SH3TC1: variants seen among roughly 807,000 people sequenced by gnomAD.
The protein encoded by SH3TC1 is SH3 domain and tetratricopeptide repeat-containing protein 1.
A neutral mutation model predicts 117.3 loss-of-function variants in SH3TC1; 135 were observed. The observed-to-expected ratio is 1.15, with a 90% CI of 1.00 to 1.33. The LOEUF (loss-of-function observed/expected upper bound fraction) is 1.33, where lower values mean the gene tolerates loss of function less well. Among genes scored for constraint, SH3TC1 ranks in the 40% most tolerant of loss-of-function variants. The pLI is 0.00. For synonymous variants in SH3TC1, 898 were observed against 816.9 expected, an observed-to-expected ratio of 1.10 and a Z score of -1.69; for missense variants, 2,092 against 1,794.3, an observed-to-expected ratio of 1.17 and a Z score of -3.00.
Position 8,231,972 on chromosome 4 carries a change from C to T in SH3TC1, c.2951-4C>T. 1 of 1,610,458 alleles carries T rather than the reference C, an allele frequency of 6.2e-7. No homozygotes were observed. Among genetic ancestry groups the T allele is most frequent in the East Asian group, 2.2e-5 (1 of 44,872 alleles). On this transcript the variant is annotated splice_region_variant and splice_polypyrimidine_tract_variant and intron_variant, in intron 12 of 17. Coordinates refer to ENST00000245105, the MANE Select transcript of SH3TC1 (RefSeq NM_018986.5). ...TGACGTCTTCCTTTTTGTCTTCTGC[C>T]CAGGCCAGCTGCGGGCCGTCCAGCG... is the stretch of plus-strand genomic sequence containing the variant.
chr4:8,185,647 T>C (rs1717199027), intron 1 of SH3TC1, among the ~76,000 whole-genome samples: 1 of 152,254 alleles, frequency 6.6e-6, no homozygotes, highest in Non-Finnish European at 1.5e-5. Flanking sequence ...TTGTTGGCAC[T>C]CAGAGAAAGC....
At position 8,190,583 on chromosome 4, in the gene SH3TC1, C is replaced by T. The variant is rs57141411; in HGVS notation, c.-57+8373C>T. Among the ~76,000 whole-genome samples the T allele has an allele frequency of 0.017, 2,632 of 152,270 alleles. 83 individuals carry two copies. The highest frequency in any genetic ancestry group is 0.06 in the African/African-American group (2,505 of 41,540). ...TCTCCTCTGTGCACTCTCTCGGTCA[C>T]CCACACCCCACCAGCCGGCTGGTCC... On this transcript the variant is annotated intron_variant, in intron 1 of 16. Transcript: ENST00000508641. This position sits in a 1 kb window ranked among gnomAD's most constrained non-coding sequence, Gnocchi z 4.7.
At chr4:8,208,049 T>C (rs1718349221) in intron 2 of SH3TC1, among the ~76,000 whole-genome samples, 1 of 152,150 alleles carries the variant, frequency 6.6e-6, no homozygotes, top group Non-Finnish European at 1.5e-5. Context: ...AAGCATGCAG[T>C]TGATGTAGCA....
chr4:8,225,125 C>A lies in SH3TC1; in HGVS notation c.1244-50C>A. 2 of 1,609,768 alleles carry A rather than the reference C, an allele frequency of 1.2e-6. No homozygotes were observed. Among genetic ancestry groups the A allele is most frequent in the Non-Finnish European group, 1.7e-6 (2 of 1,177,340 alleles). ...ACACTAGCTCAACCTGGCAGGGGAC[C>A]AGAGGTACTGGCTGGGGGTGTTGAT... On this transcript the variant is annotated intron_variant, in intron 10 of 17. Transcript: ENST00000245105. This position sits in a 1 kb window ranked among gnomAD's most constrained non-coding sequence, Gnocchi z 5.5.
Position 8,227,516 on chromosome 4 carries a change from G to A in SH3TC1, c.1822G>A (p.Ala608Thr), listed in dbSNP as rs115340704. Residue 608 changes from alanine (A) to threonine (T), a missense_variant, in exon 12 of 18, where the codon GCC (alanine) becomes ACC (threonine). By Grantham distance (58) the Ala-to-Thr change is moderately conservative. Coordinates refer to ENST00000245105, the MANE Select transcript of SH3TC1 (RefSeq NM_018986.5). ...FLVVAVYANL[A>T]SIYRKQKNRE... The stretch of plus-strand genomic sequence containing the variant: ...AGTGGTGGCTGTGTACGCCAACCTG[G>A]CCAGCATTTACCGGAAGCAGAAGAA... 2,749 of 1,545,684 alleles carry A rather than the reference G, an allele frequency of 1.8e-3. 43 individuals carry two copies. The African/African-American group carries it at 0.033, about 18-fold the overall frequency.
Position 8,236,296 on chromosome 4 carries a change from G to A in SH3TC1, c.3424G>A (p.Ala1142Thr), listed in dbSNP as rs1259748677. Reference protein sequence around the residue: ...SFYRDRALPLAVTTGNRKAEL... With the variant: ...SFYRDRALPLTVTTGNRKAEL... Reference sequence around the variant, plus strand: ...GTGGCAGGACCGGGCCCTGCCCCTGGCAGTGACTACGGGCAACCGCAAGGC... The same window carrying A: ...GTGGCAGGACCGGGCCCTGCCCCTGACAGTGACTACGGGCAACCGCAAGGC... The change falls in exon 16 of 18, where the codon GCA (alanine) becomes ACA (threonine). Residue 1142 changes from alanine (A) to threonine (T), a missense_variant. Ala to Thr is a moderately conservative substitution (Grantham distance 58). Coordinates refer to ENST00000245105, the MANE Select transcript of SH3TC1 (RefSeq NM_018986.5). 5 of 1,555,400 alleles carry A rather than the reference G, an allele frequency of 3.2e-6. No individual in the cohort carries two copies. The highest frequency in any genetic ancestry group is 4.8e-5 in the East Asian group (2 of 41,546).
In SH3TC1 at chr4:8,210,914, C is replaced by T. The variant is rs914226343; in HGVS notation, c.247+1092C>T. Among the ~76,000 whole-genome samples, 6 of 151,750 alleles carry T rather than the reference C, an allele frequency of 4.0e-5. No homozygotes were observed. The highest frequency in any genetic ancestry group is 5.9e-5 in the Non-Finnish European group (4 of 67,974). ...GGGGTGAGGGTGTTTGCTCAAGGGT[C>T]CCCTAGCAGAAAACTCTCAGGCAGG... On this transcript the variant is annotated intron_variant, in intron 3 of 17. Coordinates refer to ENST00000245105, the MANE Select transcript of SH3TC1 (RefSeq NM_018986.5). This position sits in a 1 kb window ranked among gnomAD's most constrained non-coding sequence, Gnocchi z 4.1.
chr4:8,229,866 G>A (rs1309194561), intron 12 of SH3TC1, among the ~76,000 whole-genome samples: 1 of 152,100 alleles, frequency 6.6e-6, no homozygotes, highest in Non-Finnish European at 1.5e-5. Flanking sequence ...GGTGCTGGGG[G>A]ATTCAGACTT....
intron 8 of SH3TC1, 32 bp from the exon 9 acceptor site, chr4:8,219,303 C>T: frequency 6.4e-7 from 1 of 1,555,132 alleles, no homozygotes; most frequent in Non-Finnish European, 8.7e-7. Flanking sequence ...ATTTGGTCTC[C>T]CTGGCACTCA....
intron 16 of SH3TC1, 139 bp downstream of exon 16, chr4:8,236,567 C>T: frequency 8.2e-7 from 1 of 1,216,458 alleles, no homozygotes; most frequent in Non-Finnish European, 1.1e-6. Flanking sequence ...CCAGCTGGCT[C>T]CCCCGTCCGG....
intron 8 of SH3TC1, 103 bp downstream of exon 8, chr4:8,218,450 T>C (rs1228409578): frequency 1.3e-6 from 1 of 774,908 alleles, no homozygotes; most frequent in Non-Finnish European, 2.1e-6. Context: ...GCCAGAGAGA[T>C]AGCTATCAGG....
intron 13 of SH3TC1, chr4:8,232,536 G>A: frequency 7.3e-7 from 1 of 1,370,478 alleles, no homozygotes; most frequent in Non-Finnish European, 9.7e-7. Flanking sequence ...CCTTAAATGT[G>A]ACCACAGCAG....
intron 13 of SH3TC1, 195 bp downstream of exon 13, chr4:8,232,351 G>C (rs2152995141): frequency 6.4e-7 from 1 of 1,572,376 alleles, no homozygotes; most frequent in Middle Eastern, 1.7e-4. Context: ...GTCCCAGCTT[G>C]AGCTTCCCTT....
At position 8,205,208 on chromosome 4, in the gene SH3TC1, C is replaced by T. The variant is rs758821464; in HGVS notation, c.14C>T (p.Pro5Leu). The change falls in exon 2 of 18, where the codon CCT (proline) becomes CTT (leucine). Residue 5 changes from proline to leucine, a missense_variant. Pro to Leu is a moderately conservative substitution (Grantham distance 98). Coordinates refer to ENST00000245105, the MANE Select transcript of SH3TC1 (RefSeq NM_018986.5). This position sits in a 1 kb window ranked among gnomAD's most constrained non-coding sequence, Gnocchi z 5.4. ...TCTCTGCGGGTCATGGAGAACCTCC[C>T]TGCCGTGACCACTGAGGAGCCGACC... Reference protein sequence around the residue: MENLPAVTTEEPTPM... With the variant: MENLLAVTTEEPTPM... 84 of 1,539,580 alleles carry T rather than the reference C, an allele frequency of 5.5e-5. No individual in the cohort carries two copies. Among genetic ancestry groups the T allele is most frequent in the Non-Finnish European group, 6.8e-5 (78 of 1,143,154 alleles).
Position 8,234,506 on chromosome 4 carries a change from TTCA to T in SH3TC1, c.3283-924_3283-922del, listed in dbSNP as rs796167721. On this transcript the variant is annotated intron_variant, in intron 14 of 17. Coordinates refer to ENST00000245105, the MANE Select transcript of SH3TC1 (RefSeq NM_018986.5). The stretch of plus-strand genomic sequence containing the variant: ...ATCCATCCATCCACCCATCCATCCA[TTCA>T]TCTGTCCATCCGTCCGTCCATCCAT... 6.1e-3 allele frequency among the ~76,000 whole-genome samples: 912 copies of T among 148,958 alleles called. 16 individuals carry two copies. The highest frequency in any genetic ancestry group is 0.022 in the African/African-American group (866 of 39,502).
intron 3 of SH3TC1, among the ~76,000 whole-genome samples, chr4:8,211,156 C>A (rs1365345131): frequency 1.8e-5 from 2 of 110,720 alleles, no homozygotes; most frequent in African/African-American, 7.4e-5. Flanking sequence ...CCCTCTCCCC[C>A]CACCTGTTTT....
intron 8 of SH3TC1, among the ~76,000 whole-genome samples, chr4:8,218,697 C>T (rs7679311): frequency 0.33 from 50,805 of 152,148 alleles, 9,341 homozygotes; most frequent in East Asian, 0.56. Context: ...GTCTCAGAGT[C>T]TAGCCTTCTG....
At chr4:8,239,940 T>C (rs1485917341) in intron 17 of SH3TC1, among the ~76,000 whole-genome samples, 1 of 152,142 alleles carries the variant, frequency 6.6e-6, no homozygotes, top group African/African-American at 2.4e-5. Flanking sequence ...CCCTGCCCTG[T>C]GTGTGGGGCG....
At chr4:8,182,929 C>T (rs1489646505) in intron 1 of SH3TC1, among the ~76,000 whole-genome samples, 1 of 152,188 alleles carries the variant, frequency 6.6e-6, no homozygotes, top group African/African-American at 2.4e-5. Context: ...ATGAGACCGC[C>T]TTCTCTCAGG....
Sources: allele counts gnomAD v4.1 joint callset (sites outside exome capture counted in the v4.1 genomes callset), GRCh38; gene constraint gnomAD v4.1.1; non-coding constraint Gnocchi (gnomAD v3.1); transcripts MANE v1.5; gene names NCBI Gene and HGNC (gene_info 2026-07-23, HGNC 2026-07-21).